The following GRIK5 variants were observed in gnomAD, a reference collection of about 807,000 sequenced individuals.
GRIK5 encodes the protein glutamate receptor ionotropic, kainate 5.
A neutral mutation model predicts 97.4 loss-of-function variants in GRIK5; 43 were observed. That is an observed-to-expected ratio of 0.44 (90% confidence interval 0.35 to 0.57). GRIK5 has a LOEUF of 0.57. Among genes scored for constraint, GRIK5 ranks in the 20% least tolerant of loss-of-function variants. The probability of loss-of-function intolerance (pLI) is 0.01; values close to 1 mark genes in which losing one functional copy is unlikely to be tolerated. For synonymous variants in GRIK5, 580 were observed against 583.5 expected (o/e 0.99, Z 0.09); for missense variants, 1,015 against 1,382.0 (o/e 0.73, Z 4.21).
chr19:42,042,844 A>C lies in GRIK5; in HGVS notation c.1270-89T>G. On this transcript the variant is annotated intron_variant, in intron 11 of 19. Coordinates refer to ENST00000593562, the MANE Select transcript of GRIK5 (RefSeq NM_002088.5). The surrounding 1 kb of genome is among the most constrained non-coding windows in gnomAD (Gnocchi z 6.9). ...GGAGCCCGGACCAGGCAGGTAGAGC[A>C]GGAATCTGCTTGCTGAGCACGGTTG... 2 of 946,204 alleles carry C rather than the reference A, an allele frequency of 2.1e-6. No homozygotes were observed. The highest frequency in any genetic ancestry group is 3.2e-6 in the Non-Finnish European group (2 of 616,682). 58.6% of individuals were successfully genotyped at this position (946,204 alleles called of 1,614,324 possible).
intron 15 of GRIK5, among the ~76,000 whole-genome samples, chr19:42,012,154 T>A (rs1181589273): frequency 1.3e-5 from 2 of 152,158 alleles, no homozygotes; most frequent in Non-Finnish European, 2.9e-5. Flanking sequence ...TGCTGTCTAT[T>A]TTTGTACAGC....
At chr19:42,043,563 C>A (rs1057369437) in intron 11 of GRIK5, among the ~76,000 whole-genome samples, 3 of 151,878 alleles carry the variant, frequency 2.0e-5, no homozygotes, top group African/African-American at 7.3e-5. Context: ...CCTGCCACCA[C>A]GCCCGCCCAA....
At position 42,021,429 on chromosome 19, in the gene GRIK5, T is replaced by C; in HGVS notation, c.1743A>G (p.Ala581=). 6.2e-7 allele frequency: 1 copy of C among 1,607,652 alleles called. No homozygotes were observed. Among genetic ancestry groups the C allele is most frequent in the African/African-American group, 1.3e-5 (1 of 74,980 alleles). The stretch of plus-strand genomic sequence containing the variant: ...ACTGGTTCTCCAGGATGTGGGGGCG[T>C]GCCCGCAGGCATGGGTGTGGGTTAT... ...EWYNPHPCLR[A]RPHILENQYT... Residue 581 remains alanine, a synonymous_variant, in exon 15 of 20, where the codon GCA becomes GCG. Coordinates refer to ENST00000593562, the MANE Select transcript of GRIK5 (RefSeq NM_002088.5). The surrounding 1 kb of genome is among the most constrained non-coding windows in gnomAD (Gnocchi z 4.2).
chr19:41,999,299 C>T lies in GRIK5; in HGVS notation c.2515G>A (p.Val839Met). 1 of 1,513,626 alleles carries T rather than the reference C, an allele frequency of 6.6e-7. No homozygotes were observed. Among genetic ancestry groups the T allele is most frequent in the Non-Finnish European group, 8.8e-7 (1 of 1,137,910 alleles). 93.8% of individuals were successfully genotyped at this position (1,513,626 alleles called of 1,614,324 possible). ...TGCAGCATCTCCTGGCACACCGACACCTGGGGGTGGCGCGGGCGGTCACCG... is the reference window on the plus strand; with the variant it reads ...TGCAGCATCTCCTGGCACACCGACATCTGGGGGTGGCGCGGGCGGTCACCG... ...STRRSAESEEVSVCQEMLQEL... is the reference protein window; with the variant it reads ...STRRSAESEEMSVCQEMLQEL... Residue 839 changes from valine (V) to methionine (M), a missense_variant and splice_region_variant, in exon 20 of 20, where the codon GTG (valine) becomes ATG (methionine). By Grantham distance (21) the Val-to-Met change is conservative. Transcript: ENST00000593562. This position sits in a 1 kb window ranked among gnomAD's most constrained non-coding sequence, Gnocchi z 5.0.
At chr19:42,061,635 G>A (rs940309647) in intron 5 of GRIK5, among the ~76,000 whole-genome samples, 1 of 152,132 alleles carries the variant, frequency 6.6e-6, no homozygotes, top group Non-Finnish European at 1.5e-5. Context: ...CCGATGAATC[G>A]TGTTCCTCCT....
At chr19:42,054,222 G>C in intron 9 of GRIK5, 98 bp downstream of exon 9, 1 of 1,314,648 alleles carries the variant, frequency 7.6e-7, no homozygotes, top group Admixed American at 1.8e-5. Context: ...ACGGTGGGAA[G>C]AGCAGGGAGG....
chr19:42,038,692 C>G (rs1245255726), intron 12 of GRIK5, among the ~76,000 whole-genome samples: 2 of 152,240 alleles, frequency 1.3e-5, no homozygotes, highest in Non-Finnish European at 2.9e-5. Flanking sequence ...ACTGGGGACT[C>G]CAGATCTCAC....
At chr19:42,026,291 TTTA>T (rs758662164) in intron 12 of GRIK5, among the ~76,000 whole-genome samples, 1 of 151,532 alleles carries the variant, frequency 6.6e-6, no homozygotes, top group African/African-American at 2.4e-5. Flanking sequence ...CCTTGTTCTT[TTTA>T]TTATTATTAT....
chr19:42,068,993 C>T (rs1568937626), intron 1 of GRIK5: 3 of 534,362 alleles, frequency 5.6e-6, no homozygotes, highest in Non-Finnish European at 1.0e-5. Context: ...AGCAATCAGC[C>T]CCGTAGGACC....
chr19:42,054,195 C>T, intron 9 of GRIK5, 125 bp downstream of exon 9: 1 of 1,017,148 alleles, frequency 9.8e-7, no homozygotes, highest in South Asian at 1.5e-5. Context: ...CAGGAGTGGA[C>T]AGGGGAGGCA....
intron 12 of GRIK5, among the ~76,000 whole-genome samples, chr19:42,037,285 C>T (rs2075917991): frequency 6.6e-6 from 1 of 152,202 alleles, no homozygotes; most frequent in East Asian, 1.9e-4. Context: ...CATGGCGAAA[C>T]CCCGTCTCCA....
At chr19:42,064,577 A>G (rs546427304) in intron 3 of GRIK5, among the ~76,000 whole-genome samples, 2 of 152,310 alleles carry the variant, frequency 1.3e-5, no homozygotes, top group South Asian at 4.2e-4. Context: ...CAGCCAAAAA[A>G]GCCTGTGAAA....
intron 12 of GRIK5, among the ~76,000 whole-genome samples, chr19:42,023,236 C>G (rs2075724956): frequency 6.6e-6 from 1 of 151,924 alleles, no homozygotes; most frequent in Non-Finnish European, 1.5e-5. Flanking sequence ...GAGATGGCAC[C>G]AGCCTCGATA....
intron 5 of GRIK5, among the ~76,000 whole-genome samples, chr19:42,060,641 G>C (rs908583939): frequency 1.3e-5 from 2 of 150,952 alleles, no homozygotes; most frequent in African/African-American, 2.4e-5. Context: ...CACTCTCTGG[G>C]CTTGAGCCAC....
chr19:42,058,424 G>A (rs1329748547), intron 6 of GRIK5, among the ~76,000 whole-genome samples: 22 of 148,176 alleles, frequency 1.5e-4, no homozygotes, highest in African/African-American at 4.2e-4. Flanking sequence ...CTCGTGATCC[G>A]CCCGCCTCAG....
chr19:42,057,498 G>A (rs2076203019), intron 6 of GRIK5, among the ~76,000 whole-genome samples: 1 of 151,968 alleles, frequency 6.6e-6, no homozygotes, highest in Non-Finnish European at 1.5e-5. Flanking sequence ...CAGCTCCTGA[G>A]TACCTGGAAT....
In GRIK5 at chr19:42,062,454, G is replaced by A. The variant is rs530089009; in HGVS notation, c.508+34C>T. On this transcript the variant is annotated intron_variant, in intron 5 of 19. Coordinates refer to ENST00000593562, the MANE Select transcript of GRIK5 (RefSeq NM_002088.5). The surrounding 1 kb of genome is among the most constrained non-coding windows in gnomAD (Gnocchi z 5.3). Reference sequence around the variant, plus strand: ...GATCTCTTGGGAAGGGGTGTCTGGGGGAACAGAAAACAAAACATTCAGTTC... The same window carrying A: ...GATCTCTTGGGAAGGGGTGTCTGGGAGAACAGAAAACAAAACATTCAGTTC... 2.5e-6 allele frequency: 4 copies of A among 1,609,492 alleles called. No individual in the cohort carries two copies. Among genetic ancestry groups the A allele is most frequent in the African/African-American group, 2.7e-5 (2 of 74,940 alleles).
Position 41,999,075 on chromosome 19 carries a change from C to G in GRIK5, c.2739G>C (p.Pro913=). 1 of 1,299,226 alleles carries G rather than the reference C, an allele frequency of 7.7e-7. No individual in the cohort carries two copies. The highest frequency in any genetic ancestry group is 9.7e-7 in the Non-Finnish European group (1 of 1,029,412). The allele number at this position is 1,299,226 out of a possible 1,614,324, so 80.5% of individuals were successfully genotyped here. The change falls in exon 20 of 20, where the codon CCG becomes CCC. Residue 913 remains proline (P), a synonymous_variant. Coordinates refer to ENST00000593562, the MANE Select transcript of GRIK5 (RefSeq NM_002088.5). The surrounding 1 kb of genome is among the most constrained non-coding windows in gnomAD (Gnocchi z 5.0). ...HGGPQRLLDD[P]GPPSGARPAA... ...CGGGTCGGGCTCCGCTGGGGGGCCC[C>G]GGGTCGTCCAGGAGGCGCTGCGGGC...
rs924040724 is a variant in GRIK5 at position 42,062,267 on chromosome 19, G to A, written c.508+221C>T. ...AGGGCCTAGCAGAGGGCCTTGACAT[G>A]GCAGGTGCTTAGTCACCATCTGGGG... On this transcript the variant is annotated intron_variant, in intron 5 of 19. Transcript: ENST00000593562. This position sits in a 1 kb window ranked among gnomAD's most constrained non-coding sequence, Gnocchi z 5.3. 6.6e-6 allele frequency among the ~76,000 whole-genome samples: 1 copy of A among 152,132 alleles called. No individual in the cohort carries two copies. Among genetic ancestry groups the A allele is most frequent in the Non-Finnish European group, 1.5e-5 (1 of 68,020 alleles).
Sources: allele counts gnomAD v4.1 joint callset (sites outside exome capture counted in the v4.1 genomes callset), GRCh38; gene constraint gnomAD v4.1.1; non-coding constraint Gnocchi (gnomAD v3.1); transcripts MANE v1.5; gene names NCBI Gene and HGNC (gene_info 2026-07-23, HGNC 2026-07-21).